Variants in CHP1 observed in about 807,000 individuals in gnomAD.
The protein encoded by CHP1 is calcineurin B homologous protein 1.
A neutral mutation model predicts 27.4 loss-of-function variants in CHP1; 11 were observed. The ratio of observed to expected loss-of-function variants is 0.40; its 90% CI spans 0.25 to 0.67. The LOEUF is 0.67. Ranked by LOEUF, CHP1 falls within the 30% of genes least tolerant of loss-of-function variation. CHP1 has a pLI of 0.38. For synonymous variants in CHP1, 89 were observed against 87.4 expected, an observed-to-expected ratio of 1.02 and a Z score of -0.10; for missense variants, 169 against 251.3, an observed-to-expected ratio of 0.67 and a Z score of 2.22.
chr15:41,247,348 AAC>A (rs939771237), intron 2 of CHP1, among the ~76,000 whole-genome samples: 1 of 150,050 alleles, frequency 6.7e-6, no homozygotes, highest in African/African-American at 2.5e-5. Context: ...CACCCTGGGC[AAC>A]ACAGTGAGAT....
intron 2 of CHP1, 78 bp from the exon 3 acceptor site, chr15:41,256,832 A>T: frequency 8.6e-7 from 1 of 1,156,822 alleles, no homozygotes; most frequent in Non-Finnish European, 1.3e-6. Context: ...GCTAGGTTAC[A>T]CCCTGTTACC....
At chr15:41,269,696 A>G (rs903697608) in intron 4 of CHP1, among the ~76,000 whole-genome samples, 1 of 152,146 alleles carries the variant, frequency 6.6e-6, no homozygotes, top group Non-Finnish European at 1.5e-5. Flanking sequence ...GGATCTTAAT[A>G]GCTCTAGAGC....
chr15:41,235,578 T>C (rs2047272815), intron 1 of CHP1, among the ~76,000 whole-genome samples: 1 of 152,156 alleles, frequency 6.6e-6, no homozygotes, highest in South Asian at 2.1e-4. Flanking sequence ...ATTCATGCCA[T>C]TCAAGTAGTA....
At position 41,276,659 on chromosome 15, in the gene CHP1, C is replaced by T. The variant is rs189054360; in HGVS notation, c.412-2108C>T. Among the ~76,000 whole-genome samples the T allele has an allele frequency of 3.8e-3, 575 of 152,240 alleles. 5 individuals are homozygous for T. Among genetic ancestry groups the T allele is most frequent in the African/African-American group, 0.013 (534 of 41,556 alleles). ...TTTTAATTGTGCTTGTTATTTTTCT[C>T]AGAAGGGGATTTAGCATTTAACTCT... On this transcript the variant is annotated intron_variant, in intron 5 of 6. Transcript: ENST00000334660.
chr15:41,248,845 AG>A (rs1488552605), intron 2 of CHP1, among the ~76,000 whole-genome samples: 1 of 152,220 alleles, frequency 6.6e-6, no homozygotes. Flanking sequence ...ATAGTAAACG[AG>A]TAATATATTT....
intron 1 of CHP1, among the ~76,000 whole-genome samples, chr15:41,242,841 GC>G (rs1232518944): frequency 6.6e-6 from 1 of 150,412 alleles, no homozygotes; most frequent in Non-Finnish European, 1.5e-5. Context: ...TACTTGGGAG[GC>G]TGAGGCAGGA....
At chr15:41,243,548 G>C (rs568431426) in intron 1 of CHP1, 119 bp from the exon 2 acceptor site, 2 of 660,684 alleles carry the variant, frequency 3.0e-6, no homozygotes, top group Non-Finnish European at 5.3e-6. Context: ...TAACATTCTA[G>C]AGATAAGAGT....
chr15:41,249,595 A>G (rs1054598901), intron 2 of CHP1, among the ~76,000 whole-genome samples: 1 of 148,684 alleles, frequency 6.7e-6, no homozygotes, highest in Non-Finnish European at 1.5e-5. Context: ...GCCTCAGCCA[A>G]CCGAGTAGCT....
At chr15:41,270,532 C>T (rs759523983) in intron 4 of CHP1, 25 bp from the exon 5 acceptor site, 1 of 1,597,366 alleles carries the variant, frequency 6.3e-7, no homozygotes, top group Non-Finnish European at 8.6e-7. Flanking sequence ...AGAATTTTGA[C>T]TAACTTTGTG....
chr15:41,232,830 A>C (rs1025981199), intron 1 of CHP1, among the ~76,000 whole-genome samples: 1 of 152,072 alleles, frequency 6.6e-6, no homozygotes, highest in African/African-American at 2.4e-5. Flanking sequence ...GGAACTACAG[A>C]ATTTTTCAGG....
chr15:41,270,396 AGT>A (rs1417743849), intron 4 of CHP1, among the ~76,000 whole-genome samples, 159 bp from the exon 5 acceptor site: 1 of 152,220 alleles, frequency 6.6e-6, no homozygotes, highest in African/African-American at 2.4e-5. Flanking sequence ...TCAATTCTTC[AGT>A]GTTACAACTT....
chr15:41,242,728 G>T (rs1331700786), intron 1 of CHP1, among the ~76,000 whole-genome samples: 8 of 152,108 alleles, frequency 5.3e-5, no homozygotes, highest in Non-Finnish European at 1.5e-5. Flanking sequence ...TGGATCACCT[G>T]AGGTCAGGAG....
At chr15:41,274,903 C>T (rs187424694) in intron 5 of CHP1, among the ~76,000 whole-genome samples, 1 of 150,002 alleles carries the variant, frequency 6.7e-6, no homozygotes, top group African/African-American at 2.4e-5. Context: ...TGACTGTCCT[C>T]CCATAGCCTC....
intron 3 of CHP1, 94 bp from the exon 4 acceptor site, chr15:41,262,662 C>G: frequency 6.7e-7 from 1 of 1,487,058 alleles, no homozygotes; most frequent in Non-Finnish European, 9.2e-7. Flanking sequence ...ACCTTTCAGG[C>G]TACCGTAGCT....
intron 2 of CHP1, among the ~76,000 whole-genome samples, chr15:41,251,169 A>G (rs1253235614): frequency 2.6e-5 from 4 of 152,120 alleles, no homozygotes; most frequent in African/African-American, 7.2e-5. Context: ...TTGAAGTATA[A>G]CATACAGAAA....
chr15:41,278,663 G>T, intron 5 of CHP1, 104 bp from the exon 6 acceptor site: 2 of 1,378,142 alleles, frequency 1.5e-6, no homozygotes, highest in Admixed American at 2.0e-5. Context: ...TGTATTTGAG[G>T]GCATCAAAGG....
At chr15:41,261,216 G>A (rs1359072141) in intron 3 of CHP1, among the ~76,000 whole-genome samples, 1 of 150,800 alleles carries the variant, frequency 6.6e-6, no homozygotes, top group Non-Finnish European at 1.5e-5. Flanking sequence ...GTGCAGTGGT[G>A]CAATCTAGGC....
At chr15:41,235,368 T>A (rs550284690) in intron 1 of CHP1, among the ~76,000 whole-genome samples, 19 of 151,818 alleles carry the variant, frequency 1.3e-4, no homozygotes, top group South Asian at 4.2e-4. Context: ...AAAATAAATT[T>A]AAAAAAAATT....
In CHP1 at chr15:41,279,425, A is replaced by T; in HGVS notation, c.*36A>T. On this transcript the variant is annotated 3_prime_UTR_variant, in exon 7 of 7. Coordinates refer to ENST00000334660, the MANE Select transcript of CHP1 (RefSeq NM_007236.5). ...ACTGTTCCTTGCGGTCTAGTATTTA[A>T]GAACTGGAACTTGAAAGTCCTCCTT... The T allele has an allele frequency of 6.3e-7, 1 of 1,583,948 alleles. No individual in the cohort carries two copies.
Sources: gnomAD v4.1 joint callset for allele counts (sites outside exome capture counted in the v4.1 genomes callset) on GRCh38, gnomAD v4.1.1 for gene constraint, MANE v1.5 for transcripts, NCBI Gene and HGNC (gene_info 2026-07-23, HGNC 2026-07-21) for gene names.